The following CD47 variants were observed in gnomAD, a reference collection of about 807,000 sequenced individuals.
CD47 encodes the protein leukocyte surface antigen CD47.
A neutral mutation model predicts 44.6 loss-of-function variants in CD47; 11 were observed. That is an observed-to-expected ratio of 0.25 (90% CI 0.16 to 0.41). The LOEUF (loss-of-function observed/expected upper bound fraction) is 0.41. Ranked by LOEUF, CD47 falls within the 10% of genes least tolerant of loss-of-function variation. The pLI, the probability that CD47 is intolerant of heterozygous loss-of-function variation, is 1.00. For synonymous variants in CD47, 140 were observed against 136.3 expected (o/e 1.03, Z -0.19); for missense variants, 306 against 386.7 (o/e 0.79, Z 1.75).
At chr3:108,074,721 G>C (rs982748662) in intron 2 of CD47, among the ~76,000 whole-genome samples, 13 of 132,366 alleles carry the variant, frequency 9.8e-5, no homozygotes, top group Non-Finnish European at 3.3e-5. Flanking sequence ...TGGGGGGGGG[G>C]GGCACACAAT....
At chr3:108,074,873 TA>T (rs111379926) in intron 2 of CD47, among the ~76,000 whole-genome samples, 1,883 of 152,198 alleles carry the variant, frequency 0.012, 35 homozygotes, top group African/African-American at 0.043. Context: ...TGGAATTAGA[TA>T]TTTAAGAACC....
At chr3:108,069,390 T>C (rs1178950038) in intron 3 of CD47, among the ~76,000 whole-genome samples, 2 of 151,988 alleles carry the variant, frequency 1.3e-5, no homozygotes, top group East Asian at 3.8e-4. Flanking sequence ...ACGAGTCCAT[T>C]TATGGTTACC....
chr3:108,071,216 A>G (rs1350956836), intron 2 of CD47, 34 bp from the exon 3 acceptor site: 1 of 967,364 alleles, frequency 1.0e-6, no homozygotes. Flanking sequence ...CACAATTAAT[A>G]TTTACTATAA....
At position 108,090,790 on chromosome 3, in the gene CD47, C is replaced by G. The variant is rs989704259; in HGVS notation, c.46+73G>C. The G allele has an allele frequency of 8.1e-6, 11 of 1,350,172 alleles. No individual in the cohort carries two copies. The Admixed American group carries it at 2.4e-4, about 30-fold the overall frequency. 83.6% of individuals were successfully genotyped at this position (1,350,172 alleles called of 1,614,324 possible). On this transcript the variant is annotated intron_variant, in intron 1 of 10. Transcript: ENST00000361309. ...CCTCTTCAGGGCGCCGCCGGGCTGG[C>G]TGGGGCGCAGCCCACACGCCCGCGG...
At chr3:108,085,884 A>C (rs1009391070) in intron 1 of CD47, among the ~76,000 whole-genome samples, 1 of 152,142 alleles carries the variant, frequency 6.6e-6, no homozygotes, top group Admixed American at 6.5e-5. Flanking sequence ...ACTTGTATAG[A>C]CTTGATTATG....
chr3:108,068,627 G>T (rs1003911155), intron 3 of CD47, among the ~76,000 whole-genome samples: 1 of 152,194 alleles, frequency 6.6e-6, no homozygotes, highest in African/African-American at 2.4e-5. Context: ...ACGGCTGGGT[G>T]ATTGCGGGCA....
chr3:108,086,115 C>A (rs1049349201), intron 1 of CD47, among the ~76,000 whole-genome samples: 1 of 151,972 alleles, frequency 6.6e-6, no homozygotes, highest in African/African-American at 2.4e-5. Context: ...GAACTGAAAG[C>A]AGAGAATTAT....
intron 3 of CD47, among the ~76,000 whole-genome samples, chr3:108,061,871 T>C (rs1352936887): frequency 6.6e-6 from 1 of 152,220 alleles, no homozygotes; most frequent in Non-Finnish European, 1.5e-5. Flanking sequence ...ATTTTAAATG[T>C]TATATTTAGC....
chr3:108,053,597 T>C (rs1162328489), intron 7 of CD47: 1 of 152,328 alleles, frequency 6.6e-6, no homozygotes, highest in Non-Finnish European at 1.5e-5. Context: ...ATCACCTTAC[T>C]CTTGCTGCTG....
At chr3:108,055,544 G>T in intron 7 of CD47, 1 of 1,303,908 alleles carries the variant, frequency 7.7e-7, no homozygotes, top group Non-Finnish European at 1.0e-6. Context: ...CCTTTCAACT[G>T]ACTGTAGGTG....
At chr3:108,049,549 A>G in intron 10 of CD47, 70 bp downstream of exon 10, 1 of 961,508 alleles carries the variant, frequency 1.0e-6, no homozygotes, top group Non-Finnish European at 1.7e-6. Context: ...CACATTTTCA[A>G]GAAGCTTTTT....
chr3:108,064,942 A>G (rs1403745949), intron 3 of CD47, among the ~76,000 whole-genome samples: 1 of 152,220 alleles, frequency 6.6e-6, no homozygotes, highest in Non-Finnish European at 1.5e-5. Flanking sequence ...CATTTTTTAA[A>G]TTGTTTAAAT....
chr3:108,050,300 T>A (rs147709319), intron 9 of CD47, among the ~76,000 whole-genome samples: 2 of 152,040 alleles, frequency 1.3e-5, no homozygotes, highest in African/African-American at 4.8e-5. Flanking sequence ...GTATTTTCAG[T>A]AGAGACAGGG....
At chr3:108,080,558 T>C (rs2079398158) in intron 1 of CD47, among the ~76,000 whole-genome samples, 1 of 151,998 alleles carries the variant, frequency 6.6e-6, no homozygotes, top group South Asian at 2.1e-4. Flanking sequence ...ATGACTTTTC[T>C]TTATTCATTC....
intron 2 of CD47, among the ~76,000 whole-genome samples, chr3:108,078,037 C>T (rs557500697): frequency 1.5e-4 from 23 of 152,172 alleles, no homozygotes; most frequent in Admixed American, 5.9e-4. Flanking sequence ...TTAACACACA[C>T]TGCACCATTG....
chr3:108,068,135 G>T (rs1224537448), intron 3 of CD47, among the ~76,000 whole-genome samples: 1 of 152,162 alleles, frequency 6.6e-6, no homozygotes, highest in African/African-American at 2.4e-5. Flanking sequence ...GAATGCTTTA[G>T]AAGATTTACC....
rs542315027 is a variant in CD47 at position 108,065,577 on chromosome 3, C to A, written c.491-4725G>T. 7.6e-4 allele frequency among the ~76,000 whole-genome samples: 116 copies of A among 152,066 alleles called. No homozygotes were observed. In the Middle Eastern group the frequency reaches 0.014, roughly 18 times the overall value. On this transcript the variant is annotated intron_variant, in intron 3 of 10. Coordinates refer to ENST00000361309, the MANE Select transcript of CD47 (RefSeq NM_001777.4). ...CCTGTAATCTCAGCACTTTGGGAGG[C>A]CGAGACAGACGGATCACGAGGTCAG...
At chr3:108,084,773 T>G (rs2079487150) in intron 1 of CD47, among the ~76,000 whole-genome samples, 1 of 152,110 alleles carries the variant, frequency 6.6e-6, no homozygotes, top group Admixed American at 6.5e-5. Flanking sequence ...CTCCCTCTCC[T>G]TAGCCATGGA....
At chr3:108,052,529 G>A (rs574553047) in intron 7 of CD47, 7 of 152,798 alleles carry the variant, frequency 4.6e-5, no homozygotes, top group Admixed American at 3.9e-4. Flanking sequence ...AGCTTTCTGA[G>A]TTGCCTTTTT....
Sources: allele counts gnomAD v4.1 joint callset (sites outside exome capture counted in the v4.1 genomes callset), GRCh38; gene constraint gnomAD v4.1.1; transcripts MANE v1.5; gene names NCBI Gene and HGNC (gene_info 2026-07-23, HGNC 2026-07-21).